Variants in DNAJC13 observed in about 807,000 individuals in gnomAD.
The protein encoded by DNAJC13 is dnaJ homolog subfamily C member 13.
A neutral mutation model predicts 290.5 loss-of-function variants in DNAJC13; 75 were observed. The observed-to-expected ratio is 0.26, with a 90% CI of 0.21 to 0.31. The LOEUF is 0.31. DNAJC13 is among the 10% of genes least tolerant of loss of function. The pLI is 1.00. For synonymous variants in DNAJC13, 862 were observed against 892.0 expected, an observed-to-expected ratio of 0.97 and a Z score of 0.60; for missense variants, 2,260 against 2,674.5, an observed-to-expected ratio of 0.85 and a Z score of 3.42.
intron 29 of DNAJC13, 118 bp downstream of exon 29, chr3:132,484,790 C>A: frequency 1.1e-6 from 1 of 930,856 alleles, no homozygotes; most frequent in Non-Finnish European, 1.7e-6. Flanking sequence ...CTAAATAGGC[C>A]AGGTGTGGAG....
chr3:132,500,284 A>C (rs1935368866), intron 38 of DNAJC13, among the ~76,000 whole-genome samples: 2 of 152,212 alleles, frequency 1.3e-5, no homozygotes, highest in Admixed American at 6.5e-5. Flanking sequence ...TATGCCAGCA[A>C]AATTCAGAAT....
intron 20 of DNAJC13, among the ~76,000 whole-genome samples, chr3:132,471,039 C>T (rs1365857161): frequency 5.1e-5 from 7 of 135,942 alleles, no homozygotes; most frequent in Admixed American, 7.0e-5. Flanking sequence ...ACCTCCCTCC[C>T]GGACGGGGCG....
intron 2 of DNAJC13, among the ~76,000 whole-genome samples, chr3:132,439,682 G>C (rs1043240255): frequency 3.9e-5 from 6 of 152,178 alleles, no homozygotes; most frequent in African/African-American, 1.4e-4. Context: ...TACAGACATT[G>C]CATCATGGAA....
chr3:132,468,367 A>G (rs1225469725), intron 20 of DNAJC13, among the ~76,000 whole-genome samples: 1 of 152,226 alleles, frequency 6.6e-6, no homozygotes, highest in Admixed American at 6.5e-5. Context: ...TTTCTTATGG[A>G]TTACCAGAAT....
intron 26 of DNAJC13, among the ~76,000 whole-genome samples, chr3:132,481,052 T>C (rs1934654464): frequency 6.6e-6 from 1 of 152,188 alleles, no homozygotes; most frequent in African/African-American, 2.4e-5. Context: ...CATTAACTTT[T>C]TGAATCCCCC....
intron 1 of DNAJC13, among the ~76,000 whole-genome samples, chr3:132,419,006 T>C (rs1938879100): frequency 6.6e-6 from 1 of 152,232 alleles, no homozygotes; most frequent in South Asian, 2.1e-4. Flanking sequence ...GGCTTATCTA[T>C]CATATAACGT....
At chr3:132,506,951 A>G (rs1935613165) in intron 42 of DNAJC13, among the ~76,000 whole-genome samples, 1 of 152,198 alleles carries the variant, frequency 6.6e-6, no homozygotes, top group Non-Finnish European at 1.5e-5. Flanking sequence ...ATTGAGAAGA[A>G]TAAAGCGTCA....
chr3:132,484,215 G>T (rs1423708648), intron 28 of DNAJC13: 5 of 292,132 alleles, frequency 1.7e-5, no homozygotes, highest in East Asian at 9.5e-5. Flanking sequence ...AGCTATACTT[G>T]GAAAATACCA....
rs544279413 is a variant in DNAJC13 at position 132,469,813 on chromosome 3, C to T, written c.2208+2500C>T. The stretch of plus-strand genomic sequence containing the variant: ...TATTTTACCTTTTTTCTTTCTATGT[C>T]GTCTAGTCTGGGGTTTTTTTGCACT... On this transcript the variant is annotated intron_variant, in intron 20 of 55. Transcript: ENST00000260818. Among the ~76,000 whole-genome samples the T allele has an allele frequency of 2.0e-5, 3 of 151,350 alleles. No homozygotes were observed. The East Asian group carries it at 5.8e-4, about 29-fold the overall frequency.
intron 52 of DNAJC13, 122 bp from the exon 53 acceptor site, chr3:132,526,019 A>G: frequency 4.4e-6 from 6 of 1,377,304 alleles, no homozygotes; most frequent in South Asian, 1.5e-5. Context: ...ATTTGGTTCA[A>G]TTCATTGTTA....
intron 29 of DNAJC13, among the ~76,000 whole-genome samples, chr3:132,484,897 CA>C (rs1576491637): frequency 1.3e-5 from 2 of 151,730 alleles, no homozygotes; most frequent in African/African-American, 4.8e-5. Context: ...AGGAAGACCC[CA>C]TCTCTACAAA....
chr3:132,424,468 T>A (rs968427168), intron 1 of DNAJC13, among the ~76,000 whole-genome samples: 14 of 152,108 alleles, frequency 9.2e-5, no homozygotes, highest in Admixed American at 9.2e-4. Context: ...TCTTCAGATT[T>A]AGGGGTTGCT....
Position 132,514,647 on chromosome 3 carries a change from C to G in DNAJC13, c.5462C>G (p.Ala1821Gly), listed in dbSNP as rs1386962779. Residue 1821 changes from alanine to glycine, a missense_variant, in exon 46 of 56, where the codon GCT (alanine) becomes GGT (glycine). Physicochemically the swap from Ala to Gly is moderately conservative, Grantham distance 60. Transcript: ENST00000260818. Reference protein sequence around the residue: ...AESMVLSSLLALLHSLPSSRQ... With the variant: ...AESMVLSSLLGLLHSLPSSRQ... ...TCAATGGTTTTGTCCAGTTTATTGG[C>G]TCTTCTACATTCATTGCCATCAAGT... is the stretch of plus-strand genomic sequence containing the variant. 1 of 1,610,592 alleles carries G rather than the reference C, an allele frequency of 6.2e-7. No homozygotes were observed. Among genetic ancestry groups the G allele is most frequent in the East Asian group, 2.2e-5 (1 of 44,662 alleles).
intron 36 of DNAJC13, among the ~76,000 whole-genome samples, chr3:132,497,744 G>A (rs549882923): frequency 6.6e-6 from 1 of 152,272 alleles, no homozygotes; most frequent in South Asian, 2.1e-4. Flanking sequence ...CTGTTATCAA[G>A]GTCATCTTTA....
intron 55 of DNAJC13, 52 bp downstream of exon 55, chr3:132,531,149 A>C (rs776647379): frequency 6.0e-6 from 9 of 1,510,368 alleles, no homozygotes; most frequent in Admixed American, 1.7e-5. Flanking sequence ...AGCCACTTGG[A>C]CCTTCCTTTT....
chr3:132,428,632 G>A (rs1302844574), intron 1 of DNAJC13, among the ~76,000 whole-genome samples: 2 of 151,724 alleles, frequency 1.3e-5, no homozygotes, highest in East Asian at 2.0e-4. Context: ...TTAAAAGCTC[G>A]ATGTTGGTTA....
chr3:132,514,510 A>G (rs1347583641), intron 45 of DNAJC13, 61 bp from the exon 46 acceptor site: 35 of 1,248,628 alleles, frequency 2.8e-5, no homozygotes, highest in Non-Finnish European at 3.1e-5. Context: ...TATATGACCT[A>G]ATTTGATTTA....
chr3:132,462,132 A>G (rs770961745), intron 15 of DNAJC13, among the ~76,000 whole-genome samples: 11 of 152,214 alleles, frequency 7.2e-5, no homozygotes, highest in Non-Finnish European at 1.5e-4. Flanking sequence ...ATACAGTACT[A>G]TAGTACTTAT....
chr3:132,535,246 A>T (rs1378810), intron 55 of DNAJC13, among the ~76,000 whole-genome samples: 89,353 of 152,164 alleles, frequency 0.59, 28,467 homozygotes, highest in East Asian at 0.87. Flanking sequence ...TGCTGAGTAA[A>T]TGTCATTCAG....
Sources: allele counts gnomAD v4.1 joint callset (sites outside exome capture counted in the v4.1 genomes callset), GRCh38; gene constraint gnomAD v4.1.1; transcripts MANE v1.5; gene names NCBI Gene and HGNC (gene_info 2026-07-23, HGNC 2026-07-21).